The following NIN variants were observed in gnomAD, a reference collection of about 807,000 sequenced individuals.
The protein encoded by NIN is ninein.
A neutral mutation model predicts 257.6 loss-of-function variants in NIN; 137 were observed. That is an observed-to-expected ratio of 0.53 (90% CI 0.46 to 0.61). NIN has a LOEUF of 0.61. Among genes scored for constraint, NIN ranks in the 20% least tolerant of loss-of-function variants. NIN has a pLI of 0.00. For synonymous variants in NIN, 918 were observed against 919.8 expected, an observed-to-expected ratio of 1.00 and a Z score of 0.04; for missense variants, 2,439 against 2,501.2, an observed-to-expected ratio of 0.98 and a Z score of 0.53.
At chr14:50,812,033 T>C (rs935400151) in intron 3 of NIN, among the ~76,000 whole-genome samples, 5 of 151,800 alleles carry the variant, frequency 3.3e-5, no homozygotes, top group African/African-American at 1.2e-4. Flanking sequence ...GGCAGGAGAA[T>C]CGCTTAAACC....
chr14:50,726,295 TG>T (rs971713392), intron 29 of NIN: 11 of 466,556 alleles, frequency 2.4e-5, no homozygotes, highest in African/African-American at 1.7e-4. Context: ...ATCTTACCTG[TG>T]TTACCATCAT....
rs112035576 is a variant in NIN, at chr14:50,772,484, G to T, written c.814-16C>A. On this transcript the variant is annotated splice_polypyrimidine_tract_variant and intron_variant, in intron 8 of 30. Transcript: ENST00000530997. ...CATCGAAAGACTGGAAGGAGGAAGA[G>T]ACTTGAGTAAGCCTAGCTTGATTCC... 3.1e-6 allele frequency: 5 copies of T among 1,613,392 alleles called. No individual in the cohort carries two copies. In the East Asian group the frequency reaches 8.9e-5, roughly 29 times the overall value.
intron 3 of NIN, among the ~76,000 whole-genome samples, chr14:50,814,476 C>G (rs2044786594): frequency 3.3e-5 from 5 of 152,162 alleles, no homozygotes; most frequent in Admixed American, 3.3e-4. Context: ...TCATCACAGT[C>G]TTGTAAGGGA....
chr14:50,728,456 G>A (rs915148145), intron 29 of NIN, among the ~76,000 whole-genome samples: 4 of 152,202 alleles, frequency 2.6e-5, no homozygotes, highest in Non-Finnish European at 5.9e-5. Context: ...CAAGTGGTAG[G>A]AGTACTTCGT....
At chr14:50,735,397 G>A (rs2040926337) in intron 28 of NIN, 119 bp downstream of exon 28, 2 of 1,366,560 alleles carry the variant, frequency 1.5e-6, no homozygotes, top group Non-Finnish European at 1.9e-6. Flanking sequence ...ATTCAACTTG[G>A]CAGTGTACTT....
chr14:50,807,091 A>G (rs2044365518), intron 3 of NIN, among the ~76,000 whole-genome samples: 1 of 152,240 alleles, frequency 6.6e-6, no homozygotes, highest in African/African-American at 2.4e-5. Flanking sequence ...AGAAAAAGAT[A>G]TATTTTAAAC....
chr14:50,801,476 ACTTAC>A, intron 4 of NIN, among the ~76,000 whole-genome samples: 1 of 152,186 alleles, frequency 6.6e-6, no homozygotes, highest in Non-Finnish European at 1.5e-5. Context: ...CTAAGTTCTT[ACTTAC>A]CTTACTTAAC....
intron 28 of NIN, among the ~76,000 whole-genome samples, chr14:50,734,168 C>A (rs1451353301): frequency 6.6e-6 from 1 of 151,392 alleles, no homozygotes; most frequent in Admixed American, 6.6e-5. Context: ...CGGCTCACTG[C>A]AACCTCCGCC....
intron 3 of NIN, among the ~76,000 whole-genome samples, chr14:50,815,358 C>G (rs1330361962): frequency 6.6e-6 from 1 of 152,118 alleles, no homozygotes; most frequent in Non-Finnish European, 1.5e-5. Context: ...TCATGCCAGT[C>G]AGAATGGCAA....
chr14:50,752,150 T>C (rs932863016), intron 21 of NIN, among the ~76,000 whole-genome samples: 3 of 95,980 alleles, frequency 3.1e-5, no homozygotes, highest in Non-Finnish European at 6.0e-5. Context: ...TCTTCAAATA[T>C]TTGTATAGTT....
intron 5 of NIN, among the ~76,000 whole-genome samples, chr14:50,790,124 G>A (rs761426674): frequency 7.2e-5 from 11 of 152,066 alleles, no homozygotes; most frequent in Non-Finnish European, 1.2e-4. Context: ...GCACGATCTC[G>A]GCTCACTGCA....
chr14:50,776,979 C>G lies in NIN; in HGVS notation c.636G>C (p.Glu212Asp). 1 of 1,613,920 alleles carries G rather than the reference C, an allele frequency of 6.2e-7. No homozygotes were observed. The highest frequency in any genetic ancestry group is 8.5e-7 in the Non-Finnish European group (1 of 1,179,856). Residue 212 changes from glutamate (E) to aspartate (D), a missense_variant, in exon 7 of 31, where the codon GAG (glutamate) becomes GAC (aspartate). Physicochemically the swap from Glu to Asp is conservative, Grantham distance 45 (BLOSUM62 2). Coordinates refer to ENST00000530997, the MANE Select transcript of NIN (RefSeq NM_020921.4). The stretch of plus-strand genomic sequence containing the variant: ...CATCCACATTCTGTAAACCATACTG[C>G]TCACAGATGGAGACCAGCTTCTTCC... The part of the protein sequence containing the change: ...LNRKKLVSIC[E>D]QYGLQNVDGE...
chr14:50,738,261 A>AAATTG lies in NIN; in HGVS notation c.5653_5654insCAATT (p.Leu1885ProfsTer10). 1.2e-6 allele frequency: 2 copies of AAATTG among 1,613,902 alleles called. No individual in the cohort carries two copies. The highest frequency in any genetic ancestry group is 1.7e-6 in the Non-Finnish European group (2 of 1,179,900). The stretch of plus-strand genomic sequence containing the variant: ...GTTTAGATGTTTTTGGTGCTTGGGA[A>AAATTG]GAAGATTGGATTCCAACTGACGGAC... On this transcript the variant is annotated frameshift_variant, in exon 27 of 31. Coordinates refer to ENST00000530997, the MANE Select transcript of NIN (RefSeq NM_020921.4). LOFTEE classifies it high-confidence loss of function.
chr14:50,736,332 T>C (rs759455035), intron 27 of NIN, among the ~76,000 whole-genome samples: 4 of 151,910 alleles, frequency 2.6e-5, no homozygotes, highest in Non-Finnish European at 5.9e-5. Flanking sequence ...AGAGATGGGA[T>C]TTCACCATGT....
In NIN at chr14:50,785,329, G is replaced by A. The variant is rs533269358; in HGVS notation, c.436-6525C>T. On this transcript the variant is annotated intron_variant, in intron 5 of 30. Transcript: ENST00000530997. ...AATAGCCCAGCCGCCACCCCCACCA[G>A]CCATCTGCTCCAGCGCAGACCTTTG... Among the ~76,000 whole-genome samples the A allele has an allele frequency of 2.2e-3, 330 of 152,342 alleles. 2 individuals are homozygous for A. The highest frequency in any genetic ancestry group is 7.0e-3 in the African/African-American group (290 of 41,596).
intron 21 of NIN, among the ~76,000 whole-genome samples, chr14:50,750,722 T>C (rs185947804): frequency 2.0e-5 from 3 of 152,350 alleles, no homozygotes; most frequent in East Asian, 3.8e-4. Context: ...TTTGGGTTTC[T>C]TCCCCCACCA....
chr14:50,775,230 C>T (rs1595842684), intron 7 of NIN, among the ~76,000 whole-genome samples: 1 of 151,736 alleles, frequency 6.6e-6, no homozygotes, highest in East Asian at 1.9e-4. Context: ...GCAAAAAGTT[C>T]AATTTTAAAA....
At chr14:50,737,184 T>C (rs1378909277) in intron 27 of NIN, among the ~76,000 whole-genome samples, 1 of 152,254 alleles carries the variant, frequency 6.6e-6, no homozygotes, top group African/African-American at 2.4e-5. Flanking sequence ...GGTCTTTCGG[T>C]CTCAGTGTCT....
intron 26 of NIN, among the ~76,000 whole-genome samples, chr14:50,738,582 G>GCA (rs2041118040): frequency 6.6e-6 from 1 of 152,162 alleles, no homozygotes; most frequent in South Asian, 2.1e-4. Flanking sequence ...AGGAAAACAG[G>GCA]CACAGTGGTC....
Sources: allele counts gnomAD v4.1 joint callset (sites outside exome capture counted in the v4.1 genomes callset), GRCh38; gene constraint gnomAD v4.1.1; transcripts MANE v1.5; gene names NCBI Gene and HGNC (gene_info 2026-07-23, HGNC 2026-07-21).